The following SCN2A variants were observed in gnomAD, a reference collection of about 807,000 sequenced individuals.
SCN2A encodes the protein sodium channel protein type 2 subunit alpha.
Under a neutral mutation model 188.7 loss-of-function variants are expected in SCN2A, and 20 were observed. The ratio of observed to expected loss-of-function variants is 0.11; its 90% CI spans 0.07 to 0.15. The LOEUF is 0.15. SCN2A is among the 10% of genes least tolerant of loss of function. The pLI, the probability that SCN2A is intolerant of heterozygous loss-of-function variation, is 1.00. For missense variants in SCN2A, 1,278 were observed against 2,445.0 expected (o/e 0.52, Z 10.07); for synonymous variants, 804 against 833.1 (o/e 0.97, Z 0.60).
At chr2:165,338,855 AT>A (rs1255247548) in intron 14 of SCN2A, among the ~76,000 whole-genome samples, 1 of 152,186 alleles carries the variant, frequency 6.6e-6, no homozygotes, top group Non-Finnish European at 1.5e-5. Context: ...CTCAACAGTC[AT>A]TTGTGAGAAA....
intron 1 of SCN2A, chr2:165,286,050 A>G: frequency 5.7e-6 from 1 of 174,214 alleles, no homozygotes; most frequent in Non-Finnish European, 1.3e-5. Flanking sequence ...GAGTTTTAAC[A>G]ACCCGAACCA....
At chr2:165,363,751 T>A (rs977945193) in intron 17 of SCN2A, among the ~76,000 whole-genome samples, 18 of 152,136 alleles carry the variant, frequency 1.2e-4, no homozygotes, top group Admixed American at 2.6e-4. Flanking sequence ...TAAGAAATCA[T>A]CAACCTTCAA....
At chr2:165,369,070 T>G (rs1302899315) in intron 19 of SCN2A, among the ~76,000 whole-genome samples, 2 of 151,880 alleles carry the variant, frequency 1.3e-5, no homozygotes, top group Non-Finnish European at 2.9e-5. Flanking sequence ...GGATTACAGG[T>G]GTGAGCTACC....
chr2:165,306,077 A>G (rs6432820), intron 3 of SCN2A, among the ~76,000 whole-genome samples: 121,804 of 152,126 alleles, frequency 0.8, 49,010 homozygotes, highest in Non-Finnish European at 0.84. Context: ...AGGAGGAAAG[A>G]ATTGGTCTCA....
At chr2:165,365,301 T>C in intron 18 of SCN2A, 38 bp downstream of exon 18, 1 of 1,611,490 alleles carries the variant, frequency 6.2e-7, no homozygotes, top group Non-Finnish European at 8.5e-7. Context: ...TTGAGTATCC[T>C]CTTTTCTACC....
At chr2:165,336,433 C>T (rs1188941012) in intron 14 of SCN2A, among the ~76,000 whole-genome samples, 3 of 151,896 alleles carry the variant, frequency 2.0e-5, no homozygotes, top group Non-Finnish European at 4.4e-5. Flanking sequence ...CAATCTACAA[C>T]ATGAATAAAC....
chr2:165,301,053 G>C (rs985055773), intron 3 of SCN2A, among the ~76,000 whole-genome samples: 2 of 152,188 alleles, frequency 1.3e-5, no homozygotes, highest in African/African-American at 2.4e-5. Flanking sequence ...TGAGCAATTG[G>C]TTGTGGTGTA....
chr2:165,377,509 T>C (rs900875856), intron 22 of SCN2A, 88 bp from the exon 23 acceptor site: 9 of 1,177,558 alleles, frequency 7.6e-6, no homozygotes, highest in Non-Finnish European at 9.9e-6. Context: ...ATTGAATACA[T>C]GTCAAATAGA....
At chr2:165,311,623 A>G (rs1482238082) in intron 7 of SCN2A, among the ~76,000 whole-genome samples, 4 of 152,084 alleles carry the variant, frequency 2.6e-5, no homozygotes, top group African/African-American at 9.7e-5. Flanking sequence ...GGAGAAAAGT[A>G]TATGTAAGGT....
chr2:165,290,715 T>C, intron 1 of SCN2A: 1 of 954,770 alleles, frequency 1.0e-6, no homozygotes, highest in Non-Finnish European at 1.2e-6. Context: ...AAGTTGACAC[T>C]CATCATAGAG....
Position 165,299,159 on chromosome 2 carries a change from A to G in SCN2A, c.386+2024A>G, listed in dbSNP as rs374123180. Among the ~76,000 whole-genome samples, 13 of 152,300 alleles carry G rather than the reference A, an allele frequency of 8.5e-5. No homozygotes were observed. In the South Asian group the frequency reaches 2.5e-3, roughly 29 times the overall value. On this transcript the variant is annotated intron_variant, in intron 3 of 26. Transcript: ENST00000375437. ...AATCCCCATTTAAAACTCCCTGGAA[A>G]AGAGACTCCTGGTGGTAGAGGGTAA... is the stretch of plus-strand genomic sequence containing the variant.
At chr2:165,333,504 G>A (rs1192327092) in intron 14 of SCN2A, among the ~76,000 whole-genome samples, 1 of 151,664 alleles carries the variant, frequency 6.6e-6, no homozygotes, top group African/African-American at 2.4e-5. Flanking sequence ...AGTCAATGTG[G>A]AAAATCACAA....
At position 165,326,808 on chromosome 2, in the gene SCN2A, G is replaced by A. The variant is rs78043682; in HGVS notation, c.2017-44G>A. 9.9e-4 allele frequency: 1,590 copies of A among 1,612,034 alleles called. 15 individuals carry two copies. The African/African-American group carries it at 0.019, about 19-fold the overall frequency. On this transcript the variant is annotated intron_variant, in intron 12 of 26. Coordinates refer to ENST00000375437, the MANE Select transcript of SCN2A (RefSeq NM_001040142.2). ...TTGTAGGAATGCTTTGGGCTTTGCT[G>A]CTTTCAAAAATAGTGGTTATTTCAT... is the stretch of plus-strand genomic sequence containing the variant.
chr2:165,368,316 C>G (rs1360354187), intron 19 of SCN2A, among the ~76,000 whole-genome samples: 7 of 152,122 alleles, frequency 4.6e-5, no homozygotes, highest in African/African-American at 1.7e-4. Context: ...CTGCTGAGTT[C>G]TGGGCTTTAT....
chr2:165,256,660 A>G (rs1694340898), intron 1 of SCN2A, among the ~76,000 whole-genome samples: 3 of 152,196 alleles, frequency 2.0e-5, no homozygotes, highest in Non-Finnish European at 4.4e-5. Context: ...GCTATATCCA[A>G]CTGGACTCCC....
intron 20 of SCN2A, chr2:165,372,377 A>G (rs1701083262): frequency 6.6e-6 from 1 of 152,134 alleles, no homozygotes; most frequent in African/African-American, 2.4e-5. Context: ...TTTCAAATAT[A>G]TTAACACCAT....
intron 14 of SCN2A, among the ~76,000 whole-genome samples, chr2:165,334,412 CAT>C (rs1395611505): frequency 6.6e-6 from 1 of 151,756 alleles, no homozygotes; most frequent in African/African-American, 2.4e-5. Context: ...AATCACATAA[CAT>C]ATTTAGATTT....
At chr2:165,241,444 A>G (rs1198685525) in intron 1 of SCN2A, among the ~76,000 whole-genome samples, 1 of 152,210 alleles carries the variant, frequency 6.6e-6, no homozygotes, top group Admixed American at 6.5e-5. Context: ...ATTGACAACT[A>G]TAAGAATATC....
intron 16 of SCN2A, among the ~76,000 whole-genome samples, chr2:165,353,804 C>T (rs1700050077): frequency 6.6e-6 from 1 of 152,096 alleles, no homozygotes; most frequent in Non-Finnish European, 1.5e-5. Flanking sequence ...CCACCAGGCC[C>T]CACGTCTAGT....
Sources: gnomAD v4.1 joint callset for allele counts (sites outside exome capture counted in the v4.1 genomes callset) on GRCh38, gnomAD v4.1.1 for gene constraint, MANE v1.5 for transcripts, NCBI Gene and HGNC (gene_info 2026-07-23, HGNC 2026-07-21) for gene names.